Variants in VSTM2B observed in about 807,000 individuals in gnomAD.
The protein encoded by VSTM2B is V-set and transmembrane domain containing 2B.
In VSTM2B, 24 loss-of-function variants were observed where a neutral mutation model predicts 24.0. That is an observed-to-expected ratio of 1.00 (90% CI 0.72 to 1.40). The LOEUF is 1.40. Ranked by LOEUF, VSTM2B falls within the 40% of genes most tolerant of loss-of-function variation. VSTM2B has a pLI of 0.00. For synonymous variants in VSTM2B, 226 were observed against 194.4 expected, an observed-to-expected ratio of 1.16 and a Z score of -1.35; for missense variants, 399 against 416.4, an observed-to-expected ratio of 0.96 and a Z score of 0.36.
chr19:29,545,314 G>A (rs532210195), intron 4 of VSTM2B, among the ~76,000 whole-genome samples: 2 of 152,270 alleles, frequency 1.3e-5, no homozygotes, highest in East Asian at 1.9e-4. Flanking sequence ...TGCTTTGCAT[G>A]TGAAAAGAGT....
intron 4 of VSTM2B, among the ~76,000 whole-genome samples, chr19:29,537,688 C>T (rs950975569): frequency 6.6e-5 from 10 of 150,950 alleles, no homozygotes; most frequent in Non-Finnish European, 1.2e-4. Flanking sequence ...CTTTTCCCCA[C>T]AACCACCCGC....
chr19:29,550,719 A>T (rs1333820386), intron 4 of VSTM2B, among the ~76,000 whole-genome samples: 1 of 152,054 alleles, frequency 6.6e-6, no homozygotes, highest in African/African-American at 2.4e-5. Context: ...AGCCTATGAA[A>T]TGAGCCTCCA....
intron 4 of VSTM2B, among the ~76,000 whole-genome samples, chr19:29,534,167 T>C (rs1048736989): frequency 6.6e-6 from 1 of 152,090 alleles, no homozygotes; most frequent in Non-Finnish European, 1.5e-5. Context: ...GTGGGAGCCA[T>C]CAGCAGACCT....
chr19:29,558,124 T>C (rs893777679), intron 4 of VSTM2B, among the ~76,000 whole-genome samples: 1 of 152,126 alleles, frequency 6.6e-6, no homozygotes, highest in Non-Finnish European at 1.5e-5. Context: ...TCAACATCAC[T>C]GATCATTAGA....
chr19:29,527,357 C>T lies in VSTM2B; in HGVS notation c.229C>T (p.His77Tyr). Reference protein sequence around the residue: ...YLKEPPRELLHELALSVPGAR... With the variant: ...YLKEPPRELLYELALSVPGAR... ...CAAGGAGCCACCCCGGGAGCTGCTG[C>T]ACGAGCTGGCGCTCAGCGTGCCGGG... Residue 77 changes from histidine to tyrosine, a missense_variant, in exon 2 of 5, where the codon CAC becomes TAC. Transcript: ENST00000335523. The T allele has an allele frequency of 6.5e-7, 1 of 1,546,490 alleles. No individual in the cohort carries two copies. Among genetic ancestry groups the T allele is most frequent in the Non-Finnish European group, 8.7e-7 (1 of 1,145,918 alleles).
chr19:29,550,884 A>C (rs1970266683), intron 4 of VSTM2B, among the ~76,000 whole-genome samples: 1 of 151,608 alleles, frequency 6.6e-6, no homozygotes, highest in Non-Finnish European at 1.5e-5. Context: ...TGCAGCTCCC[A>C]GGCCACCAGC....
intron 4 of VSTM2B, among the ~76,000 whole-genome samples, chr19:29,544,308 C>T (rs1414139923): frequency 3.3e-5 from 5 of 151,480 alleles, no homozygotes; most frequent in East Asian, 1.9e-4. Flanking sequence ...AGGCGGATCA[C>T]GAGGTCAGGA....
intron 4 of VSTM2B, among the ~76,000 whole-genome samples, chr19:29,538,260 G>A (rs139650117): frequency 1.4e-4 from 21 of 152,212 alleles, no homozygotes; most frequent in Admixed American, 6.5e-4. Context: ...TACGAGTTCC[G>A]TCATCTGTTA....
intron 4 of VSTM2B, among the ~76,000 whole-genome samples, chr19:29,550,129 G>T (rs1301973771): frequency 6.6e-6 from 1 of 152,234 alleles, no homozygotes; most frequent in Non-Finnish European, 1.5e-5. Context: ...AGAAGCCCTT[G>T]TTCTGACTAA....
At position 29,529,843 on chromosome 19, in the gene VSTM2B, A is replaced by C. The variant is rs1240287544; in HGVS notation, c.322A>C (p.Ile108Leu). ...GACCGTACGCGTCCAGGGCAATGAC[A>C]TCTCACACCGGCTTCGGCTGTCTGC... ...ISTVRVQGNDISHRLRLSAVR... is the reference protein window; with the variant it reads ...ISTVRVQGNDLSHRLRLSAVR... Residue 108 changes from isoleucine to leucine, a missense_variant, in exon 4 of 5, where the codon ATC (isoleucine) becomes CTC (leucine). Transcript: ENST00000335523. 4 of 1,549,986 alleles carry C rather than the reference A, an allele frequency of 2.6e-6. No individual in the cohort carries two copies. In the Admixed American group the frequency reaches 7.9e-5, roughly 30 times the overall value.
chr19:29,558,684 G>A (rs949793432), intron 4 of VSTM2B, among the ~76,000 whole-genome samples: 6 of 152,130 alleles, frequency 3.9e-5, no homozygotes, highest in East Asian at 1.9e-4. Context: ...CACAGGGAGA[G>A]GAATGACACA....
At position 29,526,799 on chromosome 19, in the gene VSTM2B, G is replaced by A; in HGVS notation, c.82+134G>A. 1 of 772,598 alleles carries A rather than the reference G, an allele frequency of 1.3e-6. No homozygotes were observed. Among genetic ancestry groups the A allele is most frequent in the Non-Finnish European group, 1.9e-6 (1 of 516,784 alleles). The allele number at this position is 772,598 out of a possible 1,614,324, so 47.9% of individuals were successfully genotyped here. A position where few individuals can be genotyped will look rare whatever the true frequency, so the allele number is the denominator to read the frequency against. On this transcript the variant is annotated intron_variant, in intron 1 of 4. Coordinates refer to ENST00000335523, the MANE Select transcript of VSTM2B (RefSeq NM_001146339.2). This position sits in a 1 kb window ranked among gnomAD's most constrained non-coding sequence, Gnocchi z 4.1. ...CAATCCCGCTGTGCAGCCTGGGCCC[G>A]GAGGGGTAGGGAGAGGCGAGCGGCG...
chr19:29,529,074 C>T (rs1969660382), intron 3 of VSTM2B: 1 of 985,326 alleles, frequency 1.0e-6, no homozygotes, highest in Non-Finnish European at 1.2e-6. Flanking sequence ...ATGACGAAGC[C>T]TCCTCGTGGG....
chr19:29,552,471 G>A (rs578119849), intron 4 of VSTM2B, among the ~76,000 whole-genome samples: 1 of 152,320 alleles, frequency 6.6e-6, no homozygotes, highest in South Asian at 2.1e-4. Flanking sequence ...GCCGCATGGG[G>A]CAAGGGAAGC....
chr19:29,545,155 A>G (rs2145491305), intron 4 of VSTM2B, among the ~76,000 whole-genome samples: 1 of 152,204 alleles, frequency 6.6e-6, no homozygotes, highest in Non-Finnish European at 1.5e-5. Flanking sequence ...AAATGAGTGA[A>G]TGGGAGGTCT....
chr19:29,551,871 G>A (rs922916854), intron 4 of VSTM2B, among the ~76,000 whole-genome samples: 10 of 152,142 alleles, frequency 6.6e-5, no homozygotes, highest in Admixed American at 2.6e-4. Flanking sequence ...CAACCCCCAG[G>A]AACACAGATG....
chr19:29,527,517 A>G, intron 2 of VSTM2B, 122 bp downstream of exon 2: 1 of 851,610 alleles, frequency 1.2e-6, no homozygotes, highest in Non-Finnish European at 1.7e-6. Context: ...GGCGCAGCCC[A>G]TCTTCCACCT....
At chr19:29,530,325 G>C in intron 4 of VSTM2B, 35 bp downstream of exon 4, 1 of 1,472,044 alleles carries the variant, frequency 6.8e-7, no homozygotes, top group Non-Finnish European at 8.9e-7. Flanking sequence ...CACGCGCGGG[G>C]ATGGCGCAGG....
Position 29,564,092 on chromosome 19 carries a change from A to C in VSTM2B, c.*158A>C. On this transcript the variant is annotated 3_prime_UTR_variant, in exon 5 of 5. Transcript: ENST00000335523. ...TCATATTTTTGGGAAAGTTACACAA[A>C]TGTAGAACACCTAAAATAATGCATC... 1.6e-6 allele frequency: 1 copy of C among 616,012 alleles called. No individual in the cohort carries two copies. The highest frequency in any genetic ancestry group is 2.8e-6 in the Non-Finnish European group (1 of 353,384). 38.2% of individuals were successfully genotyped at this position (616,012 alleles called of 1,614,324 possible). A position where few individuals can be genotyped will look rare whatever the true frequency, so the allele number is the denominator to read the frequency against.
Sources: allele counts gnomAD v4.1 joint callset (sites outside exome capture counted in the v4.1 genomes callset), GRCh38; gene constraint gnomAD v4.1.1; non-coding constraint Gnocchi (gnomAD v3.1); transcripts MANE v1.5; gene names NCBI Gene and HGNC (gene_info 2026-07-23, HGNC 2026-07-21).